COL6A1: variants seen among roughly 807,000 people sequenced by gnomAD.
COL6A1 encodes collagen type VI alpha 1 chain.
In COL6A1, 80 loss-of-function variants were observed where a neutral mutation model predicts 145.6. The ratio of observed to expected loss-of-function variants is 0.55; its 90% confidence interval spans 0.46 to 0.66. COL6A1 has a LOEUF of 0.66. Ranked by LOEUF, COL6A1 falls within the 30% of genes least tolerant of loss-of-function variation. The pLI is 0.00. For missense variants in COL6A1, 1,364 were observed against 1,473.8 expected (o/e 0.93, Z 1.22); for synonymous variants, 638 against 622.8 (o/e 1.02, Z -0.36).
In COL6A1 at chr21:45,981,772, A is replaced by G; in HGVS notation, c.-79A>G. ...CCGCTCTCACTCTGGCTGGGAGCAG[A>G]AGGCAGCCTCGGTCTCTGGGCGGCG... On this transcript the variant is annotated 5_prime_UTR_variant, in exon 1 of 35. Transcript: ENST00000361866. 1 of 1,070,184 alleles carries G rather than the reference A, an allele frequency of 9.3e-7. No homozygotes were observed. Among genetic ancestry groups the G allele is most frequent in the South Asian group, 1.4e-5 (1 of 69,142 alleles). The allele number at this position is 1,070,184 out of a possible 1,614,324, so 66.3% of individuals were successfully genotyped here. A position where few individuals can be genotyped will look rare whatever the true frequency, so the allele number is the denominator to read the frequency against.
chr21:45,997,990 C>T (rs1012861600), intron 22 of COL6A1, 131 bp from the exon 23 acceptor site: 6 of 1,250,848 alleles, frequency 4.8e-6, no homozygotes, highest in African/African-American at 1.5e-5. Context: ...AGCAGGGTGG[C>T]CCCAGGGGAG....
At chr21:46,002,731 G>A in intron 33 of COL6A1, 21 bp downstream of exon 33, 6 of 1,562,022 alleles carry the variant, frequency 3.8e-6, no homozygotes, top group Non-Finnish European at 5.2e-6. Flanking sequence ...GGCCACCCGG[G>A]CAGTCCCAGA....
Position 45,992,784 on chromosome 21 carries a change from G to A in COL6A1, c.1309G>A (p.Gly437Ser). ...PGERGPRGTP[G>S]TRGPRGDPGE... ...AGAGAGAGGACCACGGGGGACCCCA[G>A]GCACGCGGGGACCAAGAGGAGACCC... Residue 437 changes from glycine to serine, a missense_variant, in exon 19 of 35, where the codon GGC (glycine) becomes AGC (serine). Transcript: ENST00000361866. The A allele has an allele frequency of 6.2e-7, 1 of 1,601,764 alleles. No individual in the cohort carries two copies. The highest frequency in any genetic ancestry group is 8.5e-7 in the Non-Finnish European group (1 of 1,174,944).
At position 45,987,816 on chromosome 21, in the gene COL6A1, GAGTCCAGAT is replaced by G. The variant is rs2077749344; in HGVS notation, c.804+163_804+171del. ...GGGGTCCAGATGGAGGGGACGGCGG[GAGTCCAGAT>G]GGAGGGGATGGCGGGGTCCAGATGG... is the stretch of plus-strand genomic sequence containing the variant. On this transcript the variant is annotated intron_variant, in intron 8 of 34. Coordinates refer to ENST00000361866, the MANE Select transcript of COL6A1 (RefSeq NM_001848.3). Among the ~76,000 whole-genome samples the G allele has an allele frequency of 7.5e-4, 10 of 13,272 alleles. 2 individuals carry two copies. The highest frequency in any genetic ancestry group is 1.4e-3 in the Non-Finnish European group (9 of 6,382). 8.7% of individuals were successfully genotyped at this position (13,272 alleles called of 152,430 possible). A position where few individuals can be genotyped will look rare whatever the true frequency, so the allele number is the denominator to read the frequency against.
At chr21:45,991,235 G>A (rs1329015441) in intron 15 of COL6A1, among the ~76,000 whole-genome samples, 194 bp downstream of exon 15, 1 of 152,236 alleles carries the variant, frequency 6.6e-6, no homozygotes, top group Non-Finnish European at 1.5e-5. Flanking sequence ...GACAGTGGCC[G>A]TGGCGCTCCC....
intron 2 of COL6A1, 83 bp downstream of exon 2, chr21:45,982,846 C>G (rs1029210712): frequency 5.1e-6 from 8 of 1,571,388 alleles, no homozygotes; most frequent in Middle Eastern, 1.7e-4. Flanking sequence ...AACACGGGTG[C>G]GACGGCCTCA....
At chr21:45,985,997 C>T (rs79367854) in intron 3 of COL6A1, among the ~76,000 whole-genome samples, 5,852 of 152,292 alleles carry the variant, frequency 0.038, 374 homozygotes, top group African/African-American at 0.13. Flanking sequence ...AGATGCTCAG[C>T]GTCCCCAGCA....
At chr21:46,000,615 C>T (rs1350192278) in intron 28 of COL6A1, 144 bp from the exon 29 acceptor site, 58 of 1,373,238 alleles carry the variant, frequency 4.2e-5, no homozygotes, top group Middle Eastern at 2.5e-4. Flanking sequence ...GGCGGGGAGG[C>T]GGGGCAGGAG....
At chr21:45,999,292 G>A (rs1484958841) in intron 26 of COL6A1, 74 bp downstream of exon 26, 28 of 1,402,802 alleles carry the variant, frequency 2.0e-5, no homozygotes, top group Non-Finnish European at 2.6e-5. Context: ...GGGGAATGCT[G>A]GAAGAGGCTG....
In COL6A1 at chr21:46,003,540, C is replaced by T. The variant is rs368561027; in HGVS notation, c.2614C>T (p.Arg872Trp). ...AGRTDPAHDV[R>W]VAVVQYSGTG... ...CAGGACGGACCCCGCCCACGACGTG[C>T]GGGTGGCGGTGGTGCAGTACAGCGG... is the stretch of plus-strand genomic sequence containing the variant. The change falls in exon 35 of 35, where the codon CGG (arginine) becomes TGG (tryptophan). Residue 872 changes from arginine (R) to tryptophan (W), a missense_variant. By Grantham distance (101) the Arg-to-Trp change is moderately radical. Around this residue, in one of 3 missense-constraint regions of COL6A1, gnomAD observed 938 missense variants for 1,003.8 expected, o/e 0.93. Transcript: ENST00000361866. The T allele has an allele frequency of 5.0e-5, 80 of 1,612,008 alleles. No individual in the cohort carries two copies. In the African/African-American group the frequency reaches 6.5e-4, roughly 13 times the overall value.
At chr21:46,002,170 C>T (rs2077850056) in intron 31 of COL6A1, 48 bp from the exon 32 acceptor site, 5 of 1,571,832 alleles carry the variant, frequency 3.2e-6, no homozygotes, top group Admixed American at 1.9e-5. Context: ...GGCTCGGCCC[C>T]GCGGCAGGCC....
intron 29 of COL6A1, chr21:46,000,999 G>A: frequency 1.4e-6 from 1 of 693,960 alleles, no homozygotes; most frequent in East Asian, 2.7e-5. Flanking sequence ...GGCTTGGGGG[G>A]GTCCCTGCTC....
chr21:45,991,428 AG>A (rs1386778925), intron 15 of COL6A1, among the ~76,000 whole-genome samples: 3 of 125,424 alleles, frequency 2.4e-5, no homozygotes, highest in Non-Finnish European at 5.4e-5. Flanking sequence ...AGTGGGCGGG[AG>A]GGTGGTGAGC....
chr21:46,003,015 G>A, intron 33 of COL6A1, 105 bp from the exon 34 acceptor site: 2 of 1,546,200 alleles, frequency 1.3e-6, no homozygotes, highest in Admixed American at 1.7e-5. Flanking sequence ...GTGACTTCCG[G>A]GGGCACGGCC....
chr21:45,992,034 G>A lies in COL6A1; in HGVS notation c.1144G>A (p.Ala382Thr), dbSNP rs759876416. Residue 382 changes from alanine (A) to threonine (T), a missense_variant, in exon 16 of 35, where the codon GCG becomes ACG. Transcript: ENST00000361866. ...GGGCGAGCCTGGAGCTGACGGGGAGGCGGGGAGACCAGGGAGCTCGGGACC... is the reference window on the plus strand; with the variant it reads ...GGGCGAGCCTGGAGCTGACGGGGAGACGGGGAGACCAGGGAGCTCGGGACC... ...EKGEPGADGE[A>T]GRPGSSGPSG... 15 of 1,605,138 alleles carry A rather than the reference G, an allele frequency of 9.3e-6. No individual in the cohort carries two copies. The East Asian group carries it at 2.7e-4, about 29-fold the overall frequency.
rs2077850957 is a variant in COL6A1, at chr21:46,002,269, C to T, written c.2118C>T (p.Ala706=). The T allele has an allele frequency of 1.2e-6, 2 of 1,601,580 alleles. No homozygotes were observed. Among genetic ancestry groups the T allele is most frequent in the Non-Finnish European group, 1.7e-6 (2 of 1,176,770 alleles). The change falls in exon 32 of 35, where the codon GCC becomes GCT. Residue 706 remains alanine, a synonymous_variant. Transcript: ENST00000361866. The stretch of plus-strand genomic sequence containing the variant: ...CGGGCGGCACCTTCACGGGGGAGGC[C>T]CTGCAGTACACGCGGGACCAGCTGC... ...WMAGGTFTGE[A]LQYTRDQLLP... is the part of the protein sequence containing the mutation.
Position 45,990,240 on chromosome 21 carries a change from C to T in COL6A1, c.931-18C>T, listed in dbSNP as rs755738565. 3.2e-5 allele frequency: 51 copies of T among 1,612,712 alleles called. No individual in the cohort carries two copies. Among genetic ancestry groups the T allele is most frequent in the Middle Eastern group, 3.3e-4 (2 of 6,078 alleles). On this transcript the variant is annotated intron_variant, in intron 11 of 34. Transcript: ENST00000361866. ...CCCACCCCAAATACCCCCTCACACC[C>T]GCTTCCTGTCTCCGCAGGGCTCCAG...
Position 45,981,873 on chromosome 21 carries a change from T to C in COL6A1, c.23T>C (p.Leu8Pro), listed in dbSNP as rs543400339. 2 of 1,597,818 alleles carry C rather than the reference T, an allele frequency of 1.3e-6. No homozygotes were observed. Among genetic ancestry groups the C allele is most frequent in the South Asian group, 2.3e-5 (2 of 88,442 alleles). ...GACATGAGGGCGGCCCGTGCTCTGCTGCCCCTGCTGCTGCAGGCCTGCTGG... is the reference window on the plus strand; with the variant it reads ...GACATGAGGGCGGCCCGTGCTCTGCCGCCCCTGCTGCTGCAGGCCTGCTGG... MRAARAL[L>P]PLLLQACWTA... is the part of the protein sequence containing the mutation. Residue 8 changes from leucine to proline, a missense_variant, in exon 1 of 35, where the codon CTG becomes CCG. Around this residue, in one of 3 missense-constraint regions of COL6A1, gnomAD observed 414 missense variants for 437.6 expected, o/e 0.95. Transcript: ENST00000361866.
intron 24 of COL6A1, 148 bp from the exon 25 acceptor site, chr21:45,998,749 C>A: frequency 9.2e-7 from 1 of 1,081,324 alleles, no homozygotes; most frequent in South Asian, 1.5e-5. Context: ...CACTCCGGGA[C>A]CCAGTTTCTC....
Sources: allele counts gnomAD v4.1 joint callset (sites outside exome capture counted in the v4.1 genomes callset), GRCh38; gene constraint gnomAD v4.1.1; regional missense constraint gnomAD v4.1.1; transcripts MANE v1.5; gene names NCBI Gene and HGNC (gene_info 2026-07-23, HGNC 2026-07-21).